Variants in LRP1B observed in about 807,000 individuals in gnomAD.
LRP1B encodes the protein low-density lipoprotein receptor-related protein 1B.
In LRP1B, 217 loss-of-function variants were observed where a neutral mutation model predicts 556.6. The observed-to-expected ratio is 0.39, with a 90% CI of 0.35 to 0.44. LRP1B has a LOEUF of 0.44. Among genes scored for constraint, LRP1B ranks in the 20% least tolerant of loss-of-function variants. The probability of loss-of-function intolerance (pLI) is 1.00; values close to 1 mark genes in which losing one functional copy is unlikely to be tolerated. For synonymous variants in LRP1B, 2,047 were observed against 1,865.8 expected (o/e 1.10, Z -2.50); for missense variants, 5,053 against 5,620.8 (o/e 0.90, Z 3.23).
chr2:141,000,612 C>T (rs1160345382), intron 15 of LRP1B, among the ~76,000 whole-genome samples: 1 of 152,034 alleles, frequency 6.6e-6, no homozygotes, highest in Non-Finnish European at 1.5e-5. Flanking sequence ...TCCACTTGCA[C>T]TGTGGGCGAA....
At chr2:140,903,883 G>A (rs1260150889) in intron 22 of LRP1B, among the ~76,000 whole-genome samples, 5 of 150,394 alleles carry the variant, frequency 3.3e-5, no homozygotes, top group Admixed American at 6.6e-5. Context: ...ATAGATAATC[G>A]ATTACATATA....
intron 3 of LRP1B, among the ~76,000 whole-genome samples, chr2:141,317,427 G>GT (rs1687074682): frequency 2.0e-5 from 3 of 151,948 alleles, no homozygotes; most frequent in African/African-American, 7.3e-5. Context: ...CCATCTCTTT[G>GT]TTTTTTTGTA....
intron 32 of LRP1B, among the ~76,000 whole-genome samples, chr2:140,793,783 T>A (rs1012379814): frequency 6.6e-6 from 1 of 152,036 alleles, no homozygotes; most frequent in East Asian, 1.9e-4. Flanking sequence ...AACTCAGCAC[T>A]TTAAATTGGA....
chr2:141,315,112 G>A (rs1202074483), intron 3 of LRP1B, among the ~76,000 whole-genome samples: 1 of 150,432 alleles, frequency 6.6e-6, no homozygotes, highest in Non-Finnish European at 1.5e-5. Flanking sequence ...AAAACTGAAG[G>A]AACACAAATC....
At chr2:141,621,221 A>G (rs1429159282) in intron 2 of LRP1B, among the ~76,000 whole-genome samples, 1 of 152,192 alleles carries the variant, frequency 6.6e-6, no homozygotes, top group East Asian at 1.9e-4. Flanking sequence ...ACTGAGTACA[A>G]TGTTTTAAAA....
rs185198248 is a variant in LRP1B at position 141,749,402 on chromosome 2, G to C, written c.205+60877C>G. Among the ~76,000 whole-genome samples the C allele has an allele frequency of 1.1e-4, 17 of 152,250 alleles. No homozygotes were observed. The East Asian group carries it at 3.1e-3, about 28-fold the overall frequency. ...TAGAGACAGAAACAACACAAGTCAA[G>C]AGTGCTGTCTGATTTGCCTGAGGCC... On this transcript the variant is annotated intron_variant, in intron 2 of 90. Coordinates refer to ENST00000389484, the MANE Select transcript of LRP1B (RefSeq NM_018557.3).
At chr2:141,798,620 T>A (rs1695900289) in intron 2 of LRP1B, among the ~76,000 whole-genome samples, 1 of 135,112 alleles carries the variant, frequency 7.4e-6, no homozygotes, top group Admixed American at 8.6e-5. Flanking sequence ...GGCAGGAGGA[T>A]CACTTGAACA....
chr2:141,504,974 C>A (rs918806861), intron 2 of LRP1B, among the ~76,000 whole-genome samples: 1 of 152,018 alleles, frequency 6.6e-6, no homozygotes, highest in African/African-American at 2.4e-5. Flanking sequence ...TCCATCCTCA[C>A]AGAAAGTTTT....
At chr2:141,323,501 C>CT (rs927884689) in intron 3 of LRP1B, among the ~76,000 whole-genome samples, 4 of 152,098 alleles carry the variant, frequency 2.6e-5, no homozygotes, top group Admixed American at 6.6e-5. Flanking sequence ...TTTTTCCATT[C>CT]TTTTTTTCAT....
rs766930811 is a variant in LRP1B, at chr2:141,015,926, A to C, written c.1971-11T>G. On this transcript the variant is annotated splice_polypyrimidine_tract_variant and intron_variant, in intron 12 of 90. Transcript: ENST00000389484. ...GTCCAATACATCCAACTAAGACATTAAAAAAACAACAAAAATGCATACATG... is the reference window on the plus strand; with the variant it reads ...GTCCAATACATCCAACTAAGACATTCAAAAAACAACAAAAATGCATACATG... 1 of 1,603,124 alleles carries C rather than the reference A, an allele frequency of 6.2e-7. No individual in the cohort carries two copies. Among genetic ancestry groups the C allele is most frequent in the South Asian group, 1.1e-5 (1 of 90,854 alleles).
intron 41 of LRP1B, among the ~76,000 whole-genome samples, chr2:140,623,956 G>GTATATATATATCTATATATATATATATA: frequency 9.4e-6 from 1 of 106,430 alleles, no homozygotes; most frequent in South Asian, 3.7e-4. Flanking sequence ...TTTTATTTAT[G>GTATATATATATCTATATATATATATATA]TATATATATA....
At chr2:141,382,299 C>A (rs1689670788) in intron 3 of LRP1B, among the ~76,000 whole-genome samples, 1 of 152,178 alleles carries the variant, frequency 6.6e-6, no homozygotes, top group Non-Finnish European at 1.5e-5. Context: ...TAATTCATAG[C>A]CCAGTAGTCT....
At chr2:141,544,329 T>TTCTTCTTCTTCTTCTTCTTCTTCTTC (rs1685422708) in intron 2 of LRP1B, among the ~76,000 whole-genome samples, 3 of 31,730 alleles carry the variant, frequency 9.5e-5, no homozygotes, top group African/African-American at 2.6e-4. Flanking sequence ...CTTCTTCTTC[T>TTCTTCTTCTTCTTCTTCTTCTTCTTC]TCTTCTTCTT....
intron 15 of LRP1B, 105 bp downstream of exon 15, chr2:141,005,230 T>A (rs1697536954): frequency 8.0e-7 from 1 of 1,248,112 alleles, no homozygotes; most frequent in Non-Finnish European, 1.1e-6. Context: ...AATAATTATC[T>A]GAATTTCTCT....
At chr2:141,511,258 G>A (rs566585803) in intron 2 of LRP1B, among the ~76,000 whole-genome samples, 12 of 152,152 alleles carry the variant, frequency 7.9e-5, no homozygotes, top group Non-Finnish European at 1.3e-4. Context: ...ACTAATTAGG[G>A]ATACAATCTT....
At chr2:141,714,183 A>T (rs1041102274) in intron 2 of LRP1B, among the ~76,000 whole-genome samples, 1 of 152,156 alleles carries the variant, frequency 6.6e-6, no homozygotes, top group Non-Finnish European at 1.5e-5. Flanking sequence ...TAATATGAAA[A>T]ACTTCAAGTA....
chr2:141,125,005 T>C (rs1701165803), intron 7 of LRP1B, among the ~76,000 whole-genome samples: 1 of 152,026 alleles, frequency 6.6e-6, no homozygotes, highest in African/African-American at 2.4e-5. Flanking sequence ...TCACAATCAA[T>C]ACCTAGGTGC....
intron 2 of LRP1B, among the ~76,000 whole-genome samples, chr2:141,797,193 A>G (rs967663056): frequency 2.2e-5 from 3 of 139,226 alleles, no homozygotes; most frequent in African/African-American, 7.9e-5. Flanking sequence ...ATATAACTAT[A>G]TATATCTTCA....
In LRP1B at chr2:140,232,727, A is replaced by AC; in HGVS notation, c.*458_*459insG. On this transcript the variant is annotated 3_prime_UTR_variant, in exon 91 of 91. Coordinates refer to ENST00000389484, the MANE Select transcript of LRP1B (RefSeq NM_018557.3). The stretch of plus-strand genomic sequence containing the variant: ...AGTCTGAATCGATCTTTATGGGCAC[A>AC]AAGAAGAGAGTTGACCATTCAATCA... 6.6e-6 allele frequency: 1 copy of AC among 151,988 alleles called. No homozygotes were observed. Among genetic ancestry groups the AC allele is most frequent in the East Asian group, 2.0e-4 (1 of 5,114 alleles). The allele number at this position is 151,988 out of a possible 1,614,324, so 9.4% of individuals were successfully genotyped here. A position where few individuals can be genotyped will look rare whatever the true frequency, so the allele number is the denominator to read the frequency against.
Sources: allele counts gnomAD v4.1 joint callset (sites outside exome capture counted in the v4.1 genomes callset), GRCh38; gene constraint gnomAD v4.1.1; transcripts MANE v1.5; gene names NCBI Gene and HGNC (gene_info 2026-07-23, HGNC 2026-07-21).